The following PRKCA variants were observed in gnomAD, a reference collection of about 807,000 sequenced individuals.
The protein encoded by PRKCA is protein kinase C alpha, also known as protein kinase C alpha type.
A neutral mutation model predicts 87.0 loss-of-function variants in PRKCA; 27 were observed. The ratio of observed to expected loss-of-function variants is 0.31; its 90% CI spans 0.23 to 0.43. The LOEUF is 0.43. Ranked by LOEUF, PRKCA falls within the 20% of genes least tolerant of loss-of-function variation. The probability of loss-of-function intolerance (pLI) is 1.00; values close to 1 mark genes in which losing one functional copy is unlikely to be tolerated. For missense variants in PRKCA, 518 were observed against 852.3 expected (o/e 0.61, Z 4.88); for synonymous variants, 329 against 311.1 (o/e 1.06, Z -0.61).
chr17:66,463,418 C>T lies in PRKCA; in HGVS notation c.206-32783C>T, dbSNP rs558238898. Among the ~76,000 whole-genome samples the T allele has an allele frequency of 2.9e-4, 43 of 150,660 alleles. 1 individual carries two copies. In the South Asian group the frequency reaches 7.3e-3, roughly 26 times the overall value. The stretch of plus-strand genomic sequence containing the variant: ...TTTAAATTTTTTTATTTTTTTGAGA[C>T]GAAGTTTTGCTCTGTCGCCCAAGCT... On this transcript the variant is annotated intron_variant, in intron 2 of 16. Transcript: ENST00000413366.
In PRKCA at chr17:66,434,400, A is replaced by G. The variant is rs374151457; in HGVS notation, c.206-61801A>G. 4.6e-5 allele frequency among the ~76,000 whole-genome samples: 7 copies of G among 152,216 alleles called. No homozygotes were observed. In the East Asian group the frequency reaches 5.8e-4, roughly 13 times the overall value. ...GAGGGACCTGAATGAAAGGAAAACA[A>G]TGGCTTTCAATGATGATTTGGGAAA... On this transcript the variant is annotated intron_variant, in intron 2 of 16. Transcript: ENST00000413366.
intron 2 of PRKCA, among the ~76,000 whole-genome samples, chr17:66,399,248 T>A (rs1325662138): frequency 6.6e-6 from 1 of 151,948 alleles, no homozygotes; most frequent in Non-Finnish European, 1.5e-5. Flanking sequence ...CATGCCCGGC[T>A]AATTTTTGTA....
intron 14 of PRKCA, 89 bp from the exon 15 acceptor site, chr17:66,786,778 T>C (rs1299134602): frequency 1.1e-5 from 11 of 1,018,436 alleles, no homozygotes; most frequent in African/African-American, 1.6e-5. Flanking sequence ...ACCTGGTCTG[T>C]TCCTTGGTGC....
At chr17:66,701,994 C>G (rs965443673) in intron 8 of PRKCA, among the ~76,000 whole-genome samples, 4 of 152,150 alleles carry the variant, frequency 2.6e-5, no homozygotes, top group African/African-American at 9.6e-5. Context: ...AATCACTGTC[C>G]CAGAAGAGAT....
At chr17:66,386,011 C>T (rs942482737) in intron 2 of PRKCA, among the ~76,000 whole-genome samples, 4 of 139,120 alleles carry the variant, frequency 2.9e-5, no homozygotes, top group African/African-American at 9.5e-5. Context: ...CCGCCCACCT[C>T]GGCCTCCCAA....
chr17:66,784,370 C>T (rs189853547), intron 14 of PRKCA, among the ~76,000 whole-genome samples: 30 of 152,288 alleles, frequency 2.0e-4, no homozygotes, highest in South Asian at 1.2e-3. Flanking sequence ...CTCAGCCTCC[C>T]GAGGAGCTGG....
At chr17:66,683,155 T>C (rs1187224155) in intron 5 of PRKCA, among the ~76,000 whole-genome samples, 5 of 152,194 alleles carry the variant, frequency 3.3e-5, no homozygotes, top group African/African-American at 1.2e-4. Context: ...CAGCTAGAAA[T>C]GAATAACATC....
At chr17:66,459,823 C>T (rs1567840365) in intron 2 of PRKCA, among the ~76,000 whole-genome samples, 1 of 152,076 alleles carries the variant, frequency 6.6e-6, no homozygotes, top group Admixed American at 6.5e-5. Context: ...GATCTTTTTA[C>T]TTTTATTTTT....
rs966483461 is a variant in PRKCA at position 66,347,212 on chromosome 17, A to AT, written c.205+41089dup. On this transcript the variant is annotated intron_variant, in intron 2 of 16. Coordinates refer to ENST00000413366, the MANE Select transcript of PRKCA (RefSeq NM_002737.3). ...ACTACATAATTTTATGAAAAAGGAC[A>AT]TTTTCCCTAACAAAAAAAATTTAGT... 5.9e-5 allele frequency among the ~76,000 whole-genome samples: 9 copies of AT among 152,104 alleles called. 1 individual carries two copies. The highest frequency in any genetic ancestry group is 1.2e-4 in the Non-Finnish European group (8 of 68,000).
intron 8 of PRKCA, among the ~76,000 whole-genome samples, chr17:66,694,136 G>A (rs1207146423): frequency 2.0e-5 from 3 of 152,122 alleles, no homozygotes; most frequent in Non-Finnish European, 2.9e-5. Context: ...GATCCTTCTC[G>A]ATTCAATGGT....
At chr17:66,373,270 T>C (rs1006789402) in intron 2 of PRKCA, among the ~76,000 whole-genome samples, 12 of 152,296 alleles carry the variant, frequency 7.9e-5, no homozygotes, top group African/African-American at 2.9e-4. Flanking sequence ...TGCTATGTGG[T>C]GGACACTTGG....
intron 3 of PRKCA, among the ~76,000 whole-genome samples, chr17:66,541,323 T>C (rs1260896471): frequency 6.6e-6 from 1 of 152,188 alleles, no homozygotes; most frequent in Non-Finnish European, 1.5e-5. Context: ...CACCTCAAAC[T>C]CTTGCCTCTG....
At chr17:66,778,075 A>G (rs985186858) in intron 14 of PRKCA, 20 of 985,408 alleles carry the variant, frequency 2.0e-5, no homozygotes, top group Non-Finnish European at 2.4e-5. Context: ...TTCCCTACTA[A>G]GCTCACGCCC....
intron 3 of PRKCA, among the ~76,000 whole-genome samples, chr17:66,568,394 C>T (rs1011755858): frequency 6.6e-6 from 1 of 152,150 alleles, no homozygotes; most frequent in African/African-American, 2.4e-5. Context: ...TTTCCACCAG[C>T]TTGTTCTGGG....
chr17:66,705,746 G>T (rs1973176165), intron 8 of PRKCA, among the ~76,000 whole-genome samples: 1 of 152,170 alleles, frequency 6.6e-6, no homozygotes, highest in Non-Finnish European at 1.5e-5. Flanking sequence ...AAGGAGGGAA[G>T]ACAGAGCCGA....
intron 3 of PRKCA, among the ~76,000 whole-genome samples, chr17:66,501,681 G>A (rs1192547740): frequency 6.6e-6 from 1 of 152,208 alleles, no homozygotes; most frequent in African/African-American, 2.4e-5. Context: ...GCTCTGCCCA[G>A]TACCCCATTC....
chr17:66,656,559 A>C (rs1323169962), intron 5 of PRKCA, among the ~76,000 whole-genome samples: 1 of 152,210 alleles, frequency 6.6e-6, no homozygotes, highest in Non-Finnish European at 1.5e-5. Flanking sequence ...GTGTTAGCCA[A>C]GTGAGAAATC....
At chr17:66,539,349 G>A (rs1293566443) in intron 3 of PRKCA, among the ~76,000 whole-genome samples, 6 of 151,586 alleles carry the variant, frequency 4.0e-5, no homozygotes, top group African/African-American at 9.7e-5. Context: ...TTATTCTTAC[G>A]TTTCCCTTTT....
At chr17:66,499,145 A>G (rs558738908) in intron 3 of PRKCA, among the ~76,000 whole-genome samples, 26 of 129,970 alleles carry the variant, frequency 2.0e-4, no homozygotes, top group Middle Eastern at 9.1e-3. Flanking sequence ...AAAGATTCCT[A>G]TGATTTTTTT....
Sources: allele counts gnomAD v4.1 joint callset (sites outside exome capture counted in the v4.1 genomes callset), GRCh38; gene constraint gnomAD v4.1.1; transcripts MANE v1.5; gene names NCBI Gene and HGNC (gene_info 2026-07-23, HGNC 2026-07-21).